Variants in ADAMTS6 observed in about 807,000 individuals in gnomAD.
ADAMTS6 encodes A disintegrin and metalloproteinase with thrombospondin motifs 6.
In ADAMTS6, 23 loss-of-function variants were observed where a neutral mutation model predicts 144.3. The observed-to-expected ratio is 0.16, with a 90% CI of 0.11 to 0.23. The LOEUF (loss-of-function observed/expected upper bound fraction) is 0.23. Among genes scored for constraint, ADAMTS6 ranks in the 10% least tolerant of loss-of-function variants. The pLI, the probability that ADAMTS6 is intolerant of heterozygous loss-of-function variation, is 1.00. For missense variants in ADAMTS6, 999 were observed against 1,379.6 expected (o/e 0.72, Z 4.37); for synonymous variants, 444 against 457.5 (o/e 0.97, Z 0.38).
intron 9 of ADAMTS6, among the ~76,000 whole-genome samples, chr5:65,314,708 A>T (rs1011245739): frequency 6.6e-6 from 1 of 152,206 alleles, no homozygotes; most frequent in Non-Finnish European, 1.5e-5. Flanking sequence ...AGCTATTTCT[A>T]TCAGAAACCA....
chr5:65,295,027 T>G (rs960355677), intron 10 of ADAMTS6, among the ~76,000 whole-genome samples: 12 of 152,186 alleles, frequency 7.9e-5, no homozygotes, highest in African/African-American at 2.9e-4. Context: ...TCTATGTTGA[T>G]GTGTGTAAAT....
chr5:65,184,746 G>A (rs1354996428), intron 22 of ADAMTS6, among the ~76,000 whole-genome samples: 2 of 151,840 alleles, frequency 1.3e-5, no homozygotes, highest in Non-Finnish European at 2.9e-5. Flanking sequence ...GAAAGCTGTG[G>A]CTTCATTAGT....
At chr5:65,210,020 G>C (rs1317658510) in intron 20 of ADAMTS6, 2 of 209,826 alleles carry the variant, frequency 9.5e-6, no homozygotes, top group East Asian at 2.3e-4. Context: ...TATGTAAGGG[G>C]ATATGATAGT....
intron 9 of ADAMTS6, among the ~76,000 whole-genome samples, chr5:65,308,090 T>A (rs1158973017): frequency 6.6e-6 from 1 of 152,224 alleles, no homozygotes; most frequent in Non-Finnish European, 1.5e-5. Context: ...CTTAGTTCAT[T>A]AGTTAACATA....
chr5:65,472,510 A>G (rs1415630671), intron 2 of ADAMTS6, among the ~76,000 whole-genome samples: 2 of 152,192 alleles, frequency 1.3e-5, no homozygotes, highest in African/African-American at 2.4e-5. Flanking sequence ...ATATCTCAAT[A>G]AAGCTATTTT....
At chr5:65,361,721 T>G (rs1749837493) in intron 7 of ADAMTS6, among the ~76,000 whole-genome samples, 1 of 152,088 alleles carries the variant, frequency 6.6e-6, no homozygotes, top group South Asian at 2.1e-4. Flanking sequence ...CTATGGTGAT[T>G]TTTTTTCTTT....
intron 3 of ADAMTS6, among the ~76,000 whole-genome samples, chr5:65,464,735 A>G (rs1277343509): frequency 1.3e-5 from 2 of 152,122 alleles, no homozygotes; most frequent in African/African-American, 4.8e-5. Context: ...CCCACAGTCA[A>G]TCCCTAGACT....
intron 7 of ADAMTS6, among the ~76,000 whole-genome samples, chr5:65,346,333 A>G (rs1370649823): frequency 6.6e-6 from 1 of 151,914 alleles, no homozygotes; most frequent in Non-Finnish European, 1.5e-5. Context: ...CAACATAGAT[A>G]TCAATATGTG....
chr5:65,229,594 A>G (rs1285401886), intron 15 of ADAMTS6, among the ~76,000 whole-genome samples: 1 of 152,222 alleles, frequency 6.6e-6, no homozygotes, highest in African/African-American at 2.4e-5. Flanking sequence ...GAGAAGTTCA[A>G]TAGATAGAAA....
At chr5:65,331,929 A>G (rs1168558104) in intron 8 of ADAMTS6, among the ~76,000 whole-genome samples, 3 of 151,920 alleles carry the variant, frequency 2.0e-5, no homozygotes, top group Non-Finnish European at 4.4e-5. Context: ...TTGAAAAATA[A>G]CTTATATTGA....
At chr5:65,472,965 T>C (rs953623311) in intron 2 of ADAMTS6, among the ~76,000 whole-genome samples, 1 of 152,148 alleles carries the variant, frequency 6.6e-6, no homozygotes, top group Admixed American at 6.5e-5. Flanking sequence ...AATAATTCTA[T>C]AAGGACTGGA....
At chr5:65,389,121 G>A (rs1039529937) in intron 7 of ADAMTS6, among the ~76,000 whole-genome samples, 1 of 152,062 alleles carries the variant, frequency 6.6e-6, no homozygotes, top group Non-Finnish European at 1.5e-5. Flanking sequence ...CCAGAATGGC[G>A]TGAACCCGGG....
chr5:65,207,012 CAAT>C (rs1401682468), intron 20 of ADAMTS6, among the ~76,000 whole-genome samples: 4 of 152,152 alleles, frequency 2.6e-5, no homozygotes, highest in African/African-American at 9.6e-5. Flanking sequence ...TTTAAATAGT[CAAT>C]GATGATTGAT....
chr5:65,301,333 A>G (rs1188765122), intron 9 of ADAMTS6, among the ~76,000 whole-genome samples: 3 of 152,196 alleles, frequency 2.0e-5, no homozygotes, highest in Non-Finnish European at 4.4e-5. Flanking sequence ...GTCTGTTACG[A>G]CATATATTCT....
intron 14 of ADAMTS6, among the ~76,000 whole-genome samples, chr5:65,245,207 A>G (rs9291832): frequency 0.61 from 93,110 of 152,008 alleles, 30,529 homozygotes; most frequent in African/African-American, 0.87. Flanking sequence ...ACTCTGCTCT[A>G]TATTTTAGGG....
chr5:65,264,730 A>C (rs1761474613), intron 12 of ADAMTS6, among the ~76,000 whole-genome samples: 1 of 152,260 alleles, frequency 6.6e-6, no homozygotes, highest in East Asian at 1.9e-4. Flanking sequence ...GCTAGTGGCT[A>C]CTATGTTGGA....
intron 24 of ADAMTS6, 59 bp downstream of exon 24, chr5:65,170,558 T>C (rs1373898854): frequency 6.3e-7 from 1 of 1,585,564 alleles, no homozygotes; most frequent in African/African-American, 1.3e-5. Context: ...CTTCAGACCC[T>C]GGGAACAGTA....
In ADAMTS6 at chr5:65,387,343, A is replaced by G. The variant is rs1426276266; in HGVS notation, c.1074-53258T>C. 4.6e-5 allele frequency among the ~76,000 whole-genome samples: 7 copies of G among 152,236 alleles called. No individual in the cohort carries two copies. The East Asian group carries it at 1.2e-3, about 25-fold the overall frequency. On this transcript the variant is annotated intron_variant, in intron 7 of 24. Transcript: ENST00000381055. The stretch of plus-strand genomic sequence containing the variant: ...AGATTAATTATTCCTTTATTCTTCA[A>G]TCATCAAACTATTGTAGCTAAGTGA...
At chr5:65,414,034 AT>A (rs1175561585) in intron 7 of ADAMTS6, among the ~76,000 whole-genome samples, 1 of 152,178 alleles carries the variant, frequency 6.6e-6, no homozygotes, top group African/African-American at 2.4e-5. Flanking sequence ...GAAGGAAGTC[AT>A]AAAACCCTCA....
Sources: allele counts gnomAD v4.1 joint callset (sites outside exome capture counted in the v4.1 genomes callset), GRCh38; gene constraint gnomAD v4.1.1; transcripts MANE v1.5; gene names NCBI Gene and HGNC (gene_info 2026-07-23, HGNC 2026-07-21).